Variants in IL1RAPL2 observed in about 807,000 individuals in gnomAD.
The protein encoded by IL1RAPL2 is X-linked interleukin-1 receptor accessory protein-like 2.
IL1RAPL2 carries 3 observed loss-of-function variants against 44.1 expected under a neutral mutation model. The ratio of observed to expected loss-of-function variants is 0.07; its 90% CI spans 0.03 to 0.18. The LOEUF (loss-of-function observed/expected upper bound fraction) is 0.18, where lower values mean the gene tolerates loss of function less well. Among genes scored for constraint, IL1RAPL2 ranks in the 10% least tolerant of loss-of-function variants. The probability of loss-of-function intolerance (pLI) is 1.00; values close to 1 mark genes in which losing one functional copy is unlikely to be tolerated. For synonymous variants in IL1RAPL2, 181 were observed against 178.8 expected (o/e 1.01, Z -0.10); for missense variants, 391 against 496.4 (o/e 0.79, Z 2.02).
chrX:105,302,498 G>T (rs148945480), intron 5 of IL1RAPL2, among the ~76,000 whole-genome samples: 1 of 112,126 alleles, frequency 8.9e-6, no homozygotes, highest in Non-Finnish European at 1.9e-5. Context: ...CTTCAAGGAA[G>T]CTGATTCTTT....
chrX:105,345,345 A>G (rs1469561685), intron 5 of IL1RAPL2, among the ~76,000 whole-genome samples: 1 of 111,621 alleles, frequency 9.0e-6, no homozygotes, highest in Non-Finnish European at 1.9e-5. Flanking sequence ...AAATTAGTTC[A>G]TGCAGTGAAT....
At chrX:104,922,176 G>T (rs766571570) in intron 2 of IL1RAPL2, among the ~76,000 whole-genome samples, 1 of 112,272 alleles carries the variant, frequency 8.9e-6, no homozygotes, top group African/African-American at 3.2e-5. Context: ...CCCATACCCT[G>T]CCCATTTCAG....
chrX:105,429,373 A>G (rs747404673), intron 5 of IL1RAPL2, among the ~76,000 whole-genome samples: 2 of 112,141 alleles, frequency 1.8e-5, no homozygotes, highest in African/African-American at 6.5e-5. Context: ...GGCATCCTTT[A>G]TTGTCAGAGA....
chrX:105,101,332 T>C (rs1330928894), intron 2 of IL1RAPL2, among the ~76,000 whole-genome samples: 1 of 111,971 alleles, frequency 8.9e-6, no homozygotes, highest in Non-Finnish European at 1.9e-5. Context: ...AACCCTAAAG[T>C]AAGGACAAGA....
chrX:105,203,697 C>T (rs1342390562), intron 3 of IL1RAPL2, among the ~76,000 whole-genome samples: 2 of 111,762 alleles, frequency 1.8e-5, no homozygotes, highest in African/African-American at 6.5e-5. Context: ...TCTCCTATTA[C>T]TTGACCTGTA....
intron 6 of IL1RAPL2, among the ~76,000 whole-genome samples, chrX:105,710,411 GT>G (rs2038199992): frequency 1.3e-5 from 1 of 74,176 alleles, no homozygotes; most frequent in African/African-American, 5.4e-5. Flanking sequence ...ACTAACTCAT[GT>G]CTTTCTGCCT....
At chrX:105,097,348 A>C (rs992975449) in intron 2 of IL1RAPL2, among the ~76,000 whole-genome samples, 3 of 106,279 alleles carry the variant, frequency 2.8e-5, no homozygotes, top group Non-Finnish European at 5.8e-5. Context: ...AAAAAAAAAA[A>C]AAAAAACATG....
At chrX:104,963,685 T>A (rs1162197456) in intron 2 of IL1RAPL2, among the ~76,000 whole-genome samples, 1 of 111,251 alleles carries the variant, frequency 9.0e-6, no homozygotes, top group Non-Finnish European at 1.9e-5. Context: ...GGAATACCAA[T>A]TGGGTCAGAA....
intron 2 of IL1RAPL2, among the ~76,000 whole-genome samples, chrX:105,029,198 T>A (rs1485371737): frequency 9.2e-6 from 1 of 108,545 alleles, no homozygotes; most frequent in Non-Finnish European, 1.9e-5. Context: ...AAGAGTCTTT[T>A]TTTTTTAGTT....
In IL1RAPL2 at chrX:104,750,356, G is replaced by T. The variant is rs948201510; in HGVS notation, c.82+91361G>T. On this transcript the variant is annotated intron_variant, in intron 2 of 10. Coordinates refer to ENST00000372582, the MANE Select transcript of IL1RAPL2 (RefSeq NM_017416.2). Reference sequence around the variant, plus strand: ...ATCACTGATTCCCTTGAAGTCTTCTGTGTGTTCCCATTTTGGGATCCTGTG... The same window carrying T: ...ATCACTGATTCCCTTGAAGTCTTCTTTGTGTTCCCATTTTGGGATCCTGTG... 4.5e-5 allele frequency among the ~76,000 whole-genome samples: 5 copies of T among 111,348 alleles called. No homozygotes were observed. The South Asian group carries it at 1.9e-3, about 42-fold the overall frequency.
chrX:104,799,573 T>C (rs1368335727), intron 2 of IL1RAPL2, among the ~76,000 whole-genome samples: 1 of 112,212 alleles, frequency 8.9e-6, no homozygotes, highest in African/African-American at 3.2e-5. Context: ...CAACTCTTCT[T>C]AGAAACTGGT....
chrX:105,350,867 A>G (rs2035147958), intron 5 of IL1RAPL2, among the ~76,000 whole-genome samples: 1 of 112,253 alleles, frequency 8.9e-6, no homozygotes, highest in Non-Finnish European at 1.9e-5. Context: ...CATGTTTTGC[A>G]ATCTATCCAT....
chrX:105,496,526 T>G (rs1320936199), intron 6 of IL1RAPL2, among the ~76,000 whole-genome samples: 2 of 112,603 alleles, frequency 1.8e-5, no homozygotes, highest in Non-Finnish European at 3.7e-5. Context: ...ATGCAGTATG[T>G]ATTTCCAAGG....
intron 6 of IL1RAPL2, among the ~76,000 whole-genome samples, chrX:105,498,823 G>A (rs185609405): frequency 6.5e-4 from 73 of 111,708 alleles, no homozygotes; most frequent in African/African-American, 2.1e-3. Flanking sequence ...AAGGGTCCCC[G>A]ATCCCTGGGG....
chrX:105,031,005 A>T (rs1462493659), intron 2 of IL1RAPL2, among the ~76,000 whole-genome samples: 1 of 110,391 alleles, frequency 9.1e-6, no homozygotes, highest in Middle Eastern at 4.2e-3. Flanking sequence ...CTTTGAAGCA[A>T]TTGTGAAAGG....
At chrX:104,812,453 A>G (rs1247863278) in intron 2 of IL1RAPL2, among the ~76,000 whole-genome samples, 1 of 111,445 alleles carries the variant, frequency 9.0e-6, no homozygotes, top group Non-Finnish European at 1.9e-5. Context: ...CATTCCTACT[A>G]TGACCACAAT....
chrX:104,994,119 C>T (rs2030709781), intron 2 of IL1RAPL2, among the ~76,000 whole-genome samples: 1 of 111,567 alleles, frequency 9.0e-6, no homozygotes, highest in Non-Finnish European at 1.9e-5. Context: ...TTTATAATAG[C>T]CCCAAATTGG....
intron 2 of IL1RAPL2, among the ~76,000 whole-genome samples, chrX:104,702,842 G>A (rs1208233329): frequency 1.8e-5 from 2 of 111,552 alleles, no homozygotes; most frequent in East Asian, 5.7e-4. Flanking sequence ...AGGAGAAAAA[G>A]CAAAGCCTTG....
intron 6 of IL1RAPL2, among the ~76,000 whole-genome samples, chrX:105,568,234 G>C (rs752616805): frequency 1.7e-3 from 194 of 111,266 alleles, no homozygotes; most frequent in Non-Finnish European, 3.3e-3. Context: ...AAAAGATCTT[G>C]AGTGGTGATA....
Sources: allele counts gnomAD v4.1 joint callset (sites outside exome capture counted in the v4.1 genomes callset), GRCh38; gene constraint gnomAD v4.1.1; transcripts MANE v1.5; gene names NCBI Gene and HGNC (gene_info 2026-07-23, HGNC 2026-07-21).